The following FHIT variants were observed in gnomAD, a reference collection of about 807,000 sequenced individuals.
FHIT encodes the protein fragile histidine triad diadenosine triphosphatase.
A neutral mutation model predicts 17.9 loss-of-function variants in FHIT; 19 were observed. The ratio of observed to expected loss-of-function variants is 1.06; its 90% CI spans 0.74 to 1.56. The LOEUF (loss-of-function observed/expected upper bound fraction) is 1.56. Ranked by LOEUF, FHIT falls within the 40% of genes most tolerant of loss-of-function variation. The pLI is 0.00. For missense variants in FHIT, 248 were observed against 189.2 expected (o/e 1.31, Z -1.82); for synonymous variants, 81 against 69.7 (o/e 1.16, Z -0.81).
At chr3:60,340,046 GC>G (rs1710439118) in intron 5 of FHIT, among the ~76,000 whole-genome samples, 1 of 152,012 alleles carries the variant, frequency 6.6e-6, no homozygotes, top group Non-Finnish European at 1.5e-5. Context: ...AGGTTCTTCT[GC>G]CTCAAAATTT....
chr3:59,757,471 A>G (rs1275435694), intron 8 of FHIT, among the ~76,000 whole-genome samples: 3 of 147,104 alleles, frequency 2.0e-5, no homozygotes, highest in Non-Finnish European at 4.5e-5. Flanking sequence ...TGTTATCACA[A>G]GGTATATGGG....
intron 5 of FHIT, among the ~76,000 whole-genome samples, chr3:60,122,121 C>A (rs939925027): frequency 7.0e-6 from 1 of 143,802 alleles, no homozygotes; most frequent in African/African-American, 2.6e-5. Context: ...TAAAAAAAAA[C>A]GCCTAGAGAT....
intron 2 of FHIT, among the ~76,000 whole-genome samples, chr3:61,116,510 C>T (rs1390300647): frequency 1.3e-5 from 2 of 151,948 alleles, no homozygotes; most frequent in Non-Finnish European, 1.5e-5. Flanking sequence ...GAGTCATGAC[C>T]TCTAAAAATC....
At chr3:59,901,874 G>T (rs1704344777) in intron 8 of FHIT, among the ~76,000 whole-genome samples, 1 of 152,162 alleles carries the variant, frequency 6.6e-6, no homozygotes, top group African/African-American at 2.4e-5. Flanking sequence ...GAAGCAAAAA[G>T]TAGAAACAAC....
At chr3:60,069,142 A>G (rs1009332675) in intron 5 of FHIT, among the ~76,000 whole-genome samples, 3 of 152,212 alleles carry the variant, frequency 2.0e-5, no homozygotes, top group Non-Finnish European at 2.9e-5. Flanking sequence ...ATAAAGGGAT[A>G]TTAAGTCATG....
At chr3:60,822,394 G>A (rs1195926533) in intron 3 of FHIT, among the ~76,000 whole-genome samples, 1 of 152,122 alleles carries the variant, frequency 6.6e-6, no homozygotes. Context: ...AGTCTGGTGG[G>A]AAGAGTCTTT....
At chr3:60,243,250 AAC>A (rs1256308793) in intron 5 of FHIT, among the ~76,000 whole-genome samples, 2 of 152,226 alleles carry the variant, frequency 1.3e-5, no homozygotes, top group East Asian at 3.9e-4. Flanking sequence ...GAAAAGAGTT[AAC>A]ACTCAATGAA....
intron 5 of FHIT, among the ~76,000 whole-genome samples, chr3:60,192,132 T>C (rs1430134408): frequency 2.0e-5 from 3 of 150,994 alleles, no homozygotes; most frequent in Non-Finnish European, 4.4e-5. Flanking sequence ...GTGCCTGTAA[T>C]CCCAGCTACT....
chr3:61,129,000 G>A (rs1289537179), intron 2 of FHIT, among the ~76,000 whole-genome samples: 2 of 152,112 alleles, frequency 1.3e-5, no homozygotes, highest in Non-Finnish European at 2.9e-5. Flanking sequence ...GCAACGTAAG[G>A]AGGGCAAGCA....
At chr3:59,857,709 T>G (rs957654941) in intron 8 of FHIT, among the ~76,000 whole-genome samples, 1 of 148,496 alleles carries the variant, frequency 6.7e-6, no homozygotes, top group African/African-American at 2.5e-5. Flanking sequence ...TGCTGGGTTT[T>G]TTTTTTTTTT....
intron 8 of FHIT, among the ~76,000 whole-genome samples, chr3:59,872,437 T>C (rs1322869399): frequency 6.6e-6 from 1 of 152,146 alleles, no homozygotes; most frequent in African/African-American, 2.4e-5. Context: ...CACGTGCTCA[T>C]GTTTATGTGA....
chr3:60,455,529 C>G (rs1576684214), intron 5 of FHIT, among the ~76,000 whole-genome samples: 2 of 152,104 alleles, frequency 1.3e-5, no homozygotes, highest in African/African-American at 4.8e-5. Context: ...TTTTGTTGAG[C>G]ACAGAGATAG....
At chr3:60,502,474 C>A (rs962485533) in intron 5 of FHIT, among the ~76,000 whole-genome samples, 40 of 152,284 alleles carry the variant, frequency 2.6e-4, no homozygotes, top group African/African-American at 8.7e-4. Flanking sequence ...TCAAACACTT[C>A]ACTCGGAAGT....
At chr3:61,063,899 T>A (rs1277575701) in intron 2 of FHIT, among the ~76,000 whole-genome samples, 1 of 152,202 alleles carries the variant, frequency 6.6e-6, no homozygotes, top group African/African-American at 2.4e-5. Context: ...ATGACTTAGT[T>A]CCCTCTGACC....
intron 5 of FHIT, among the ~76,000 whole-genome samples, chr3:60,159,787 G>C (rs1258192280): frequency 6.6e-6 from 1 of 152,144 alleles, no homozygotes; most frequent in African/African-American, 2.4e-5. Context: ...AAGTCACTAG[G>C]TTAATAAATG....
At chr3:60,394,866 G>C (rs1018707644) in intron 5 of FHIT, among the ~76,000 whole-genome samples, 6 of 152,122 alleles carry the variant, frequency 3.9e-5, no homozygotes, top group Non-Finnish European at 8.8e-5. Flanking sequence ...TTCATCTGCA[G>C]CCGTGGCCAT....
At chr3:60,864,533 G>A (rs1215578318) in intron 3 of FHIT, among the ~76,000 whole-genome samples, 1 of 152,056 alleles carries the variant, frequency 6.6e-6, no homozygotes, top group East Asian at 1.9e-4. Flanking sequence ...AACTGCATTG[G>A]TAAAGCCAGA....
intron 7 of FHIT, among the ~76,000 whole-genome samples, chr3:59,970,415 G>C (rs1431211966): frequency 1.3e-5 from 2 of 152,080 alleles, no homozygotes; most frequent in Non-Finnish European, 2.9e-5. Context: ...AAACACAAGG[G>C]TGTTGCTTAC....
At chr3:59,892,869 A>G (rs980226757) in intron 8 of FHIT, among the ~76,000 whole-genome samples, 1 of 152,206 alleles carries the variant, frequency 6.6e-6, no homozygotes, top group Admixed American at 6.5e-5. Flanking sequence ...CTTTGGTCAT[A>G]TTTGGGCAGC....
Sources: gnomAD v4.1 joint callset for allele counts (sites outside exome capture counted in the v4.1 genomes callset) on GRCh38, gnomAD v4.1.1 for gene constraint, MANE v1.5 for transcripts, NCBI Gene and HGNC (gene_info 2026-07-23, HGNC 2026-07-21) for gene names.